RHEB: variants seen among roughly 807,000 people sequenced by gnomAD.
RHEB encodes Ras homolog, mTORC1 binding, also known as GTP-binding protein Rheb.
In RHEB, 2 loss-of-function variants were observed where a neutral mutation model predicts 28.8. The observed-to-expected ratio is 0.07, with a 90% CI of 0.03 to 0.22. RHEB has a LOEUF of 0.22. Ranked by LOEUF, RHEB falls within the 10% of genes least tolerant of loss-of-function variation. The pLI is 1.00. For synonymous variants in RHEB, 69 were observed against 77.3 expected (o/e 0.89, Z 0.56); for missense variants, 76 against 219.9 (o/e 0.35, Z 4.14).
intron 1 of RHEB, among the ~76,000 whole-genome samples, chr7:151,505,788 A>G (rs1802862236): frequency 1.3e-5 from 2 of 152,264 alleles, no homozygotes; most frequent in African/African-American, 4.8e-5. Context: ...AAATTAAGGT[A>G]TATCCATTCA....
intron 3 of RHEB, among the ~76,000 whole-genome samples, chr7:151,479,721 A>G (rs934262737): frequency 4.0e-5 from 6 of 151,836 alleles, no homozygotes; most frequent in Non-Finnish European, 5.9e-5. Context: ...AAATTCAACT[A>G]TGTGAAAAAG....
At chr7:151,498,870 CAA>C in intron 1 of RHEB, among the ~76,000 whole-genome samples, 1 of 152,112 alleles carries the variant, frequency 6.6e-6, no homozygotes, top group Middle Eastern at 3.4e-3. Context: ...TTTACAGTTC[CAA>C]GCATGGCAAC....
intron 1 of RHEB, chr7:151,518,031 GTTGATA>G (rs1477591082): frequency 2.0e-5 from 3 of 151,922 alleles, no homozygotes; most frequent in Non-Finnish European, 4.4e-5. Flanking sequence ...CAGGTTCCAT[GTTGATA>G]TTTGAACAAT....
chr7:151,519,620 G>GGGC lies in RHEB; in HGVS notation c.-112_-110dup, dbSNP rs1803146073. The GGGC allele has an allele frequency of 1.0e-6, 1 of 970,902 alleles. No individual in the cohort carries two copies. Among genetic ancestry groups the GGGC allele is most frequent in the Admixed American group, 3.8e-5 (1 of 26,588 alleles). The allele number at this position is 970,902 out of a possible 1,614,324, so 60.1% of individuals were successfully genotyped here. ...CGGGAGAGAGCGGCATACAGAGCAG[G>GGGC]GGCGGCGGCGGGCGCGGCTGCCTCT... On this transcript the variant is annotated 5_prime_UTR_variant, in exon 1 of 8. Coordinates refer to ENST00000262187, the MANE Select transcript of RHEB (RefSeq NM_005614.4).
At chr7:151,480,060 C>T (rs1336989367) in intron 3 of RHEB, among the ~76,000 whole-genome samples, 1 of 152,186 alleles carries the variant, frequency 6.6e-6, no homozygotes, top group East Asian at 1.9e-4. Context: ...AGTACCAAAA[C>T]GTTTGCTAAC....
chr7:151,507,307 C>CT (rs1162456512), intron 1 of RHEB, among the ~76,000 whole-genome samples: 1 of 152,176 alleles, frequency 6.6e-6, no homozygotes, highest in Non-Finnish European at 1.5e-5. Flanking sequence ...AAATGTGTAG[C>CT]TCCCCCTATG....
intron 1 of RHEB, among the ~76,000 whole-genome samples, chr7:151,514,076 GTTC>G (rs1803035073): frequency 6.6e-6 from 1 of 152,164 alleles, no homozygotes; most frequent in Admixed American, 6.6e-5. Flanking sequence ...GAATGAGTGA[GTTC>G]TTCTATTGAC....
intron 2 of RHEB, among the ~76,000 whole-genome samples, chr7:151,488,355 CACT>C (rs1410674672): frequency 6.6e-6 from 1 of 152,076 alleles, no homozygotes. Context: ...AATGTGTCAC[CACT>C]GAGTGTTTGC....
intron 1 of RHEB, chr7:151,501,912 TGGA>T (rs1481764535): frequency 5.6e-6 from 4 of 715,662 alleles, no homozygotes; most frequent in Non-Finnish European, 1.0e-5. Flanking sequence ...GACAGGAACG[TGGA>T]GTTCTGGAAG....
intron 1 of RHEB, among the ~76,000 whole-genome samples, chr7:151,513,545 C>T (rs1803026748): frequency 1.3e-5 from 2 of 152,150 alleles, no homozygotes; most frequent in African/African-American, 2.4e-5. Context: ...GGAAGATCTG[C>T]GTAACGATGA....
intron 2 of RHEB, among the ~76,000 whole-genome samples, chr7:151,485,731 A>C (rs1331935369): frequency 6.6e-6 from 1 of 152,244 alleles, no homozygotes; most frequent in Non-Finnish European, 1.5e-5. Context: ...CTAAGTAATA[A>C]GGAGGATTGA....
chr7:151,502,856 T>C, intron 1 of RHEB: 1 of 957,392 alleles, frequency 1.0e-6, no homozygotes, highest in Non-Finnish European at 1.7e-6. Context: ...ATCTGCTGAC[T>C]TTGAACTAAG....
chr7:151,469,947 G>A (rs1195205410), intron 7 of RHEB, among the ~76,000 whole-genome samples: 1 of 152,124 alleles, frequency 6.6e-6, no homozygotes, highest in Non-Finnish European at 1.5e-5. Context: ...AAAATGTATA[G>A]GTGAAAAATG....
intron 3 of RHEB, among the ~76,000 whole-genome samples, chr7:151,479,578 G>A (rs1026019131): frequency 6.6e-6 from 1 of 151,534 alleles, no homozygotes; most frequent in Non-Finnish European, 1.5e-5. Context: ...AGCTACTCAG[G>A]AGGCTGAGGC....
chr7:151,479,641 C>G (rs1802345397), intron 3 of RHEB, among the ~76,000 whole-genome samples: 1 of 149,362 alleles, frequency 6.7e-6, no homozygotes, highest in Non-Finnish European at 1.5e-5. Flanking sequence ...CGAGATCGCG[C>G]CACAGCACTC....
At chr7:151,506,848 G>A (rs555753449) in intron 1 of RHEB, among the ~76,000 whole-genome samples, 1 of 152,306 alleles carries the variant, frequency 6.6e-6, no homozygotes, top group East Asian at 1.9e-4. Flanking sequence ...GCCTTTATCT[G>A]GTGGGCTGGT....
chr7:151,477,320 GC>G lies in RHEB; in HGVS notation c.275+12del. 6.8e-7 allele frequency: 1 copy of G among 1,480,248 alleles called. No homozygotes were observed. Among genetic ancestry groups the G allele is most frequent in the Non-Finnish European group, 9.4e-7 (1 of 1,061,712 alleles). The allele number at this position is 1,480,248 out of a possible 1,614,324, so 91.7% of individuals were successfully genotyped here. On this transcript the variant is annotated intron_variant, in intron 4 of 7. Coordinates refer to ENST00000262187, the MANE Select transcript of RHEB (RefSeq NM_005614.4). Reference sequence around the variant, plus strand: ...AGTAGCAAATCAACTCAAGCAGGCAGCAGGAGTCTTACCTTTTGATTGATGT... The same window carrying G: ...AGTAGCAAATCAACTCAAGCAGGCAGAGGAGTCTTACCTTTTGATTGATGT...
chr7:151,473,718 G>A (rs1022741464), intron 4 of RHEB, among the ~76,000 whole-genome samples: 2 of 152,020 alleles, frequency 1.3e-5, no homozygotes, highest in Non-Finnish European at 2.9e-5. Flanking sequence ...GAAAAAAAAG[G>A]CATTATTTAA....
At chr7:151,470,494 C>T (rs1207828752) in intron 7 of RHEB, 77 bp downstream of exon 7, 1 of 974,114 alleles carries the variant, frequency 1.0e-6, no homozygotes, top group Non-Finnish European at 1.6e-6. Flanking sequence ...AGACAGAGGT[C>T]AAATGCCAAC....
Sources: allele counts gnomAD v4.1 joint callset (sites outside exome capture counted in the v4.1 genomes callset), GRCh38; gene constraint gnomAD v4.1.1; transcripts MANE v1.5; gene names NCBI Gene and HGNC (gene_info 2026-07-23, HGNC 2026-07-21).